The following FHIT variants were observed in gnomAD, a reference collection of about 807,000 sequenced individuals.
FHIT encodes the protein fragile histidine triad diadenosine triphosphatase.
FHIT carries 19 observed loss-of-function variants against 17.9 expected under a neutral mutation model. That is an observed-to-expected ratio of 1.06 (90% CI 0.74 to 1.56). The LOEUF is 1.56. FHIT is among the 40% of genes most tolerant of loss of function. FHIT has a pLI of 0.00. For missense variants in FHIT, 248 were observed against 189.2 expected (o/e 1.31, Z -1.82); for synonymous variants, 81 against 69.7 (o/e 1.16, Z -0.81).
chr3:60,667,021 A>ATTTTTTTTTTTTTTT (rs56071877), intron 4 of FHIT, among the ~76,000 whole-genome samples: 3 of 34,098 alleles, frequency 8.8e-5, no homozygotes, highest in African/African-American at 3.1e-4. Flanking sequence ...TGCCTGGTTA[A>ATTTTTTTTTTTTTTT]TTTTTTTTTT....
chr3:60,961,440 C>A (rs1709438849), intron 3 of FHIT, among the ~76,000 whole-genome samples: 1 of 152,146 alleles, frequency 6.6e-6, no homozygotes, highest in Admixed American at 6.6e-5. Context: ...TTAATTAGAT[C>A]CCATTTGTCA....
intron 4 of FHIT, among the ~76,000 whole-genome samples, chr3:60,563,472 G>A (rs550589889): frequency 6.6e-6 from 1 of 152,284 alleles, no homozygotes; most frequent in Admixed American, 6.5e-5. Context: ...AAGTAGAAAC[G>A]ATAAAGCTTA....
intron 4 of FHIT, among the ~76,000 whole-genome samples, chr3:60,716,403 C>G (rs539222573): frequency 1.3e-5 from 2 of 151,822 alleles, no homozygotes; most frequent in East Asian, 3.9e-4. Context: ...TTTTTTTAAA[C>G]TTTTTTTTGT....
intron 5 of FHIT, among the ~76,000 whole-genome samples, chr3:60,474,256 T>C (rs2033235070): frequency 6.6e-6 from 1 of 152,228 alleles, no homozygotes; most frequent in African/African-American, 2.4e-5. Flanking sequence ...ATTAAGCTTA[T>C]TTTTTCATCC....
chr3:60,266,497 G>A (rs1023084474), intron 5 of FHIT, among the ~76,000 whole-genome samples: 1 of 152,048 alleles, frequency 6.6e-6, no homozygotes, highest in Non-Finnish European at 1.5e-5. Context: ...GCACAATTCT[G>A]ATAATGTTCC....
At chr3:60,482,595 T>G (rs2033660756) in intron 5 of FHIT, among the ~76,000 whole-genome samples, 2 of 152,032 alleles carry the variant, frequency 1.3e-5, no homozygotes, top group Non-Finnish European at 2.9e-5. Flanking sequence ...AATAATGGAA[T>G]TAAGGCGGAA....
At position 61,131,364 on chromosome 3, in the gene FHIT, T is replaced by C. The variant is rs543111515; in HGVS notation, c.-164+69253A>G. Among the ~76,000 whole-genome samples, 3 of 152,258 alleles carry C rather than the reference T, an allele frequency of 2.0e-5. No individual in the cohort carries two copies. In the East Asian group the frequency reaches 5.8e-4, roughly 29 times the overall value. On this transcript the variant is annotated intron_variant, in intron 2 of 9. Transcript: ENST00000492590. ...TAAGTTGCCATCCCAAGGAACAAAG[T>C]CAAATTGGCAAAAAGGTGGATGGGC...
In FHIT at chr3:60,293,703, G is replaced by A. The variant is rs181965347; in HGVS notation, c.103+243157C>T. Among the ~76,000 whole-genome samples, 7 of 152,126 alleles carry A rather than the reference G, an allele frequency of 4.6e-5. No individual in the cohort carries two copies. In the East Asian group the frequency reaches 1.2e-3, roughly 25 times the overall value. On this transcript the variant is annotated intron_variant, in intron 5 of 9. Coordinates refer to ENST00000492590, the MANE Select transcript of FHIT (RefSeq NM_002012.4). Reference sequence around the variant, plus strand: ...TGTAGCTCTTAGGCTTTTCCTCTCCGAGGATTTAGGGAAAATCAACAGTGC... The same window carrying A: ...TGTAGCTCTTAGGCTTTTCCTCTCCAAGGATTTAGGGAAAATCAACAGTGC...
At chr3:61,219,361 G>C (rs868055642) in intron 1 of FHIT, among the ~76,000 whole-genome samples, 2 of 148,942 alleles carry the variant, frequency 1.3e-5, no homozygotes, top group Non-Finnish European at 3.0e-5. Flanking sequence ...GTGTGTGTGT[G>C]TGTTTGTGTG....
intron 8 of FHIT, among the ~76,000 whole-genome samples, chr3:59,897,387 CTTCCTG>C (rs1178139699): frequency 6.6e-6 from 1 of 152,208 alleles, no homozygotes; most frequent in African/African-American, 2.4e-5. Context: ...TCCCCTTCCT[CTTCCTG>C]TTCCCTAAAT....
rs1278287193 is a variant in FHIT at position 61,188,923 on chromosome 3, G to A, written c.-164+11694C>T. Among the ~76,000 whole-genome samples the A allele has an allele frequency of 6.6e-5, 10 of 152,030 alleles. No homozygotes were observed. In the South Asian group the frequency reaches 2.1e-3, roughly 32 times the overall value. ...ACTCTCAAAAAATGAGGTATTGATG[G>A]GACATATCTCAAAATAATAAGAGCT... On this transcript the variant is annotated intron_variant, in intron 2 of 9. Transcript: ENST00000492590.
At chr3:60,170,860 C>T (rs1455916109) in intron 5 of FHIT, among the ~76,000 whole-genome samples, 1 of 152,022 alleles carries the variant, frequency 6.6e-6, no homozygotes, top group Non-Finnish European at 1.5e-5. Context: ...TTTTCTCCCA[C>T]AAACAGGAAG....
rs151187615 is a variant in FHIT at position 60,094,493 on chromosome 3, G to T, written c.104-80341C>A. ...TCTGATACAGAAATGAAATTAAATAGAACAATACTGAGGCATCAACCACTC... is the reference window on the plus strand; with the variant it reads ...TCTGATACAGAAATGAAATTAAATATAACAATACTGAGGCATCAACCACTC... On this transcript the variant is annotated intron_variant, in intron 5 of 9. Coordinates refer to ENST00000492590, the MANE Select transcript of FHIT (RefSeq NM_002012.4). 1.3e-3 allele frequency among the ~76,000 whole-genome samples: 199 copies of T among 152,182 alleles called. 1 individual carries two copies. Among genetic ancestry groups the T allele is most frequent in the African/African-American group, 3.9e-3 (163 of 41,504 alleles).
chr3:60,191,271 A>AAGG (rs1702391946), intron 5 of FHIT, among the ~76,000 whole-genome samples: 2 of 152,170 alleles, frequency 1.3e-5, no homozygotes, highest in African/African-American at 4.8e-5. Context: ...ATGCTTAAAC[A>AAGG]CATGTTTTAT....
Position 61,005,802 on chromosome 3 carries a change from C to T in FHIT, c.-111+36245G>A, listed in dbSNP as rs61385817. Among the ~76,000 whole-genome samples the T allele has an allele frequency of 5.6e-3, 852 of 152,210 alleles. 11 individuals are homozygous for T. Among genetic ancestry groups the T allele is most frequent in the African/African-American group, 0.02 (817 of 41,518 alleles). On this transcript the variant is annotated intron_variant, in intron 3 of 9. Transcript: ENST00000492590. ...ACACTTGGAACAGCCTGGAGCACAG[C>T]GAACACTAGGTCAAGATAGCCACTT...
intron 7 of FHIT, among the ~76,000 whole-genome samples, chr3:59,947,883 A>G (rs920460270): frequency 6.6e-6 from 1 of 152,138 alleles, no homozygotes; most frequent in East Asian, 1.9e-4. Flanking sequence ...AATCTATATA[A>G]AAGACTCCTA....
At chr3:60,411,917 G>A (rs1347179319) in intron 5 of FHIT, among the ~76,000 whole-genome samples, 1 of 152,014 alleles carries the variant, frequency 6.6e-6, no homozygotes, top group African/African-American at 2.4e-5. Context: ...TCTTAGAAAA[G>A]TTAAGTCAGA....
chr3:60,586,331 T>G (rs112573135), intron 4 of FHIT, among the ~76,000 whole-genome samples: 1 of 152,036 alleles, frequency 6.6e-6, no homozygotes, highest in Non-Finnish European at 1.5e-5. Context: ...CTCATCAAAA[T>G]AGACAGATGT....
chr3:60,112,046 A>G (rs988112265), intron 5 of FHIT, among the ~76,000 whole-genome samples: 22 of 152,338 alleles, frequency 1.4e-4, no homozygotes, highest in African/African-American at 4.6e-4. Context: ...ACACACTAAG[A>G]TAAGTGGCTC....
Sources: allele counts gnomAD v4.1 joint callset (sites outside exome capture counted in the v4.1 genomes callset), GRCh38; gene constraint gnomAD v4.1.1; transcripts MANE v1.5; gene names NCBI Gene and HGNC (gene_info 2026-07-23, HGNC 2026-07-21).